Variants in STARD13 observed in about 807,000 individuals in gnomAD.
STARD13 encodes the protein StAR related lipid transfer domain containing 13.
In STARD13, 62 loss-of-function variants were observed where a neutral mutation model predicts 106.4. The ratio of observed to expected loss-of-function variants is 0.58; its 90% CI spans 0.48 to 0.72. The LOEUF is 0.72. STARD13 is among the 30% of genes least tolerant of loss of function. The probability of loss-of-function intolerance (pLI) is 0.00; values close to 1 mark genes in which losing one functional copy is unlikely to be tolerated. For missense variants in STARD13, 1,387 were observed against 1,424.0 expected, an observed-to-expected ratio of 0.97 and a Z score of 0.42; for synonymous variants, 565 against 553.0, an observed-to-expected ratio of 1.02 and a Z score of -0.31.
At chr13:33,586,867 T>C in the STARD13 span, among the ~76,000 whole-genome samples, 1 of 152,112 alleles carries the variant, frequency 6.6e-6, no homozygotes, top group African/African-American at 2.4e-5. Flanking sequence ...CTGCCAATCA[T>C]ACAAAATAGT....
At chr13:33,235,206 C>T (rs897417028) in intron 1 of STARD13, among the ~76,000 whole-genome samples, 2 of 152,204 alleles carry the variant, frequency 1.3e-5, no homozygotes, top group African/African-American at 2.4e-5. Flanking sequence ...CAACACTGGA[C>T]ATCTGTCAGA....
intron 1 of STARD13, among the ~76,000 whole-genome samples, chr13:33,259,973 G>A (rs1198088865): frequency 2.1e-5 from 3 of 140,534 alleles, no homozygotes; most frequent in African/African-American, 8.2e-5. Flanking sequence ...TCCAGCCTGG[G>A]TAAGAAAGTG....
the STARD13 span, among the ~76,000 whole-genome samples, chr13:33,567,318 A>G: frequency 6.7e-6 from 1 of 148,546 alleles, no homozygotes; most frequent in African/African-American, 2.5e-5. Context: ...TGTGAAAACA[A>G]CAGTGGCCCA....
chr13:33,588,756 C>T, the STARD13 span, among the ~76,000 whole-genome samples: 1 of 152,178 alleles, frequency 6.6e-6, no homozygotes. Context: ...AGGTCACTTC[C>T]TCTTAGAGTT....
chr13:33,308,203 C>G (rs1194473998), intron 1 of STARD13, among the ~76,000 whole-genome samples: 1 of 152,210 alleles, frequency 6.6e-6, no homozygotes, highest in African/African-American at 2.4e-5. Context: ...TTTAGAATGT[C>G]TGTTTCCCAA....
the STARD13 span, among the ~76,000 whole-genome samples, chr13:33,584,013 C>T: frequency 1.3e-5 from 2 of 152,140 alleles, no homozygotes; most frequent in Admixed American, 1.3e-4. Context: ...AATCGTAATT[C>T]TATCTGTAAT....
the STARD13 span, among the ~76,000 whole-genome samples, chr13:33,621,810 T>A: frequency 0.052 from 7,926 of 151,952 alleles, 394 homozygotes; most frequent in East Asian, 0.17. Context: ...CAATTTTTTT[T>A]TCTTTTTTTT....
chr13:33,462,534 A>G, the STARD13 span, among the ~76,000 whole-genome samples: 1 of 152,180 alleles, frequency 6.6e-6, no homozygotes, highest in Non-Finnish European at 1.5e-5. Flanking sequence ...AGGGCAAGGA[A>G]GCCAGTCCAA....
chr13:33,153,879 C>G (rs1881615364), intron 3 of STARD13, among the ~76,000 whole-genome samples: 1 of 152,188 alleles, frequency 6.6e-6, no homozygotes, highest in Admixed American at 6.5e-5. Flanking sequence ...CCTAGCCCGG[C>G]CTGCTGGGGA....
chr13:33,121,577 A>G (rs77039996), intron 7 of STARD13, among the ~76,000 whole-genome samples: 8 of 76,084 alleles, frequency 1.1e-4, no homozygotes, highest in East Asian at 4.4e-4. Context: ...CAAAAAAAAA[A>G]AAAAAAAGTT....
chr13:33,159,115 G>A (rs1882328535), intron 3 of STARD13, among the ~76,000 whole-genome samples: 1 of 152,190 alleles, frequency 6.6e-6, no homozygotes, highest in Non-Finnish European at 1.5e-5. Flanking sequence ...CAGGAGCACT[G>A]TGGTGTCTAG....
the STARD13 span, among the ~76,000 whole-genome samples, chr13:33,386,949 A>C: frequency 6.6e-6 from 1 of 152,104 alleles, no homozygotes; most frequent in African/African-American, 2.4e-5. Context: ...TTCTTTGCCA[A>C]TTCTGCATAG....
At chr13:33,416,992 A>G in the STARD13 span, among the ~76,000 whole-genome samples, 4 of 152,238 alleles carry the variant, frequency 2.6e-5, no homozygotes, top group Admixed American at 6.5e-5. Flanking sequence ...AAGAATTGCT[A>G]TACTTCAACA....
intron 1 of STARD13, among the ~76,000 whole-genome samples, chr13:33,191,936 G>T (rs1003082554): frequency 6.6e-6 from 1 of 152,232 alleles, no homozygotes; most frequent in South Asian, 2.1e-4. Flanking sequence ...TATTAAAACA[G>T]CTGGAGAAAT....
chr13:33,302,066 A>C (rs1015808212), intron 1 of STARD13, among the ~76,000 whole-genome samples: 1 of 152,192 alleles, frequency 6.6e-6, no homozygotes, highest in South Asian at 2.1e-4. Flanking sequence ...AGGCAAAGGA[A>C]AGTCATTGTA....
chr13:33,235,053 T>A (rs1193226735), intron 1 of STARD13, among the ~76,000 whole-genome samples: 1 of 152,126 alleles, frequency 6.6e-6, no homozygotes, highest in East Asian at 1.9e-4. Context: ...AGTACAGTGG[T>A]TTTCAAAGTG....
chr13:33,146,268 G>A (rs561861952), intron 3 of STARD13, among the ~76,000 whole-genome samples: 3 of 152,088 alleles, frequency 2.0e-5, no homozygotes, highest in East Asian at 1.9e-4. Context: ...AGGTTGCAGC[G>A]AGCCGAGATT....
At chr13:33,300,583 A>G (rs1752975210) in intron 1 of STARD13, among the ~76,000 whole-genome samples, 1 of 152,212 alleles carries the variant, frequency 6.6e-6, no homozygotes, top group Admixed American at 6.5e-5. Flanking sequence ...ATAAATGCTT[A>G]CTTTACGTGA....
chr13:33,172,189 A>G (rs925395027), intron 1 of STARD13, among the ~76,000 whole-genome samples: 2 of 152,232 alleles, frequency 1.3e-5, no homozygotes, highest in African/African-American at 2.4e-5. Context: ...TTTTTCACTT[A>G]AGAATACATT....
Sources: gnomAD v4.1 joint callset for allele counts (sites outside exome capture counted in the v4.1 genomes callset) on GRCh38, gnomAD v4.1.1 for gene constraint, MANE v1.5 for transcripts, NCBI Gene and HGNC (gene_info 2026-07-23, HGNC 2026-07-21) for gene names.